Variants in SETBP1 observed in about 807,000 individuals in gnomAD.
The protein encoded by SETBP1 is SET binding protein 1.
Under a neutral mutation model 101.0 loss-of-function variants are expected in SETBP1, and 9 were observed. That is an observed-to-expected ratio of 0.09 (90% CI 0.05 to 0.16). The LOEUF is 0.16. SETBP1 is among the 10% of genes least tolerant of loss of function. The pLI, the probability that SETBP1 is intolerant of heterozygous loss-of-function variation, is 1.00. For missense variants in SETBP1, 1,858 were observed against 2,033.8 expected (o/e 0.91, Z 1.66); for synonymous variants, 818 against 788.5 (o/e 1.04, Z -0.63).
Position 44,952,577 on chromosome 18 carries a change from T to C in SETBP1, c.3237T>C (p.Leu1079=), listed in dbSNP as rs150875847. 326 of 1,613,946 alleles carry C rather than the reference T, an allele frequency of 2.0e-4. 3 individuals are homozygous for C. The African/African-American group carries it at 3.9e-3, about 19-fold the overall frequency. The change falls in exon 4 of 6, where the codon CTT becomes CTC. Residue 1079 remains leucine (L), a synonymous_variant. Transcript: ENST00000649279. ...CTCCTTTGTACCTATCGCACACGCT[T>C]GGAGCAGCTTCCCCATTCATGAGGC... ...YPAPLYLSHT[L]GAASPFMRPT...
chr18:44,964,636 G>GA (rs1160071080), intron 4 of SETBP1, among the ~76,000 whole-genome samples: 9 of 149,302 alleles, frequency 6.0e-5, no homozygotes, highest in South Asian at 2.1e-4. Flanking sequence ...GAAAAATTCA[G>GA]AAAAAAACTA....
At chr18:44,731,848 AC>A (rs1446612700) in intron 2 of SETBP1, among the ~76,000 whole-genome samples, 46 of 152,328 alleles carry the variant, frequency 3.0e-4, no homozygotes, top group African/African-American at 1.1e-3. Context: ...AGTATGAAAT[AC>A]AATATTCTCA....
At chr18:44,933,573 G>A (rs978741939) in intron 3 of SETBP1, among the ~76,000 whole-genome samples, 4 of 152,194 alleles carry the variant, frequency 2.6e-5, no homozygotes, top group Non-Finnish European at 5.9e-5. Context: ...AGGCAGGCAG[G>A]CGTCCTTGAG....
At chr18:45,007,947 G>A (rs931539572) in intron 4 of SETBP1, among the ~76,000 whole-genome samples, 5 of 152,148 alleles carry the variant, frequency 3.3e-5, no homozygotes, top group Admixed American at 1.3e-4. Context: ...GAATGATCCA[G>A]TAATGCCTCC....
At chr18:44,838,507 C>T (rs982471952) in intron 2 of SETBP1, among the ~76,000 whole-genome samples, 2 of 152,150 alleles carry the variant, frequency 1.3e-5, no homozygotes, top group African/African-American at 4.8e-5. Context: ...GGGTCCCTTG[C>T]TGCAGTTGTA....
At chr18:44,699,767 G>A (rs555992569) in intron 1 of SETBP1, among the ~76,000 whole-genome samples, 2 of 152,366 alleles carry the variant, frequency 1.3e-5, no homozygotes, top group African/African-American at 4.8e-5. Flanking sequence ...TCTCTGGGGA[G>A]CAGGGTCCGT....
chr18:44,772,600 C>T (rs750569669), intron 2 of SETBP1, among the ~76,000 whole-genome samples: 1 of 152,126 alleles, frequency 6.6e-6, no homozygotes, highest in Non-Finnish European at 1.5e-5. Context: ...CAGAGTGATG[C>T]GTCTGTTCTT....
At chr18:44,802,523 T>A (rs1372605227) in intron 2 of SETBP1, among the ~76,000 whole-genome samples, 2 of 152,128 alleles carry the variant, frequency 1.3e-5, no homozygotes, top group Non-Finnish European at 2.9e-5. Context: ...AAGAAAGGAG[T>A]GTCTTCCTCT....
chr18:44,776,832 C>G, intron 2 of SETBP1, among the ~76,000 whole-genome samples: 1 of 152,190 alleles, frequency 6.6e-6, no homozygotes, highest in Non-Finnish European at 1.5e-5. Context: ...GAGGTTAATA[C>G]TTCGTGTAGG....
At chr18:44,836,902 G>A (rs2072507898) in intron 2 of SETBP1, among the ~76,000 whole-genome samples, 1 of 152,262 alleles carries the variant, frequency 6.6e-6, no homozygotes, top group East Asian at 1.9e-4. Context: ...CAGTTTTGGG[G>A]CCCTGTCACT....
chr18:44,757,957 A>T (rs1031377908), intron 2 of SETBP1, among the ~76,000 whole-genome samples: 1 of 152,166 alleles, frequency 6.6e-6, no homozygotes, highest in Non-Finnish European at 1.5e-5. Flanking sequence ...TGTTAGAGAG[A>T]TGTGTTTCTG....
chr18:44,744,414 T>C (rs1032195942), intron 2 of SETBP1, among the ~76,000 whole-genome samples: 10 of 152,214 alleles, frequency 6.6e-5, no homozygotes, highest in African/African-American at 2.4e-4. Flanking sequence ...GAACAGGGGC[T>C]CCCTGGCCTG....
chr18:44,837,028 C>T (rs1167006815), intron 2 of SETBP1, among the ~76,000 whole-genome samples: 1 of 152,152 alleles, frequency 6.6e-6, no homozygotes, highest in African/African-American at 2.4e-5. Flanking sequence ...TTTGTACACT[C>T]CAGCCCTCAC....
At chr18:44,715,140 AT>A (rs1198498912) in intron 2 of SETBP1, among the ~76,000 whole-genome samples, 1 of 152,182 alleles carries the variant, frequency 6.6e-6, no homozygotes, top group Non-Finnish European at 1.5e-5. Flanking sequence ...CTGCTGGGGC[AT>A]CTTTAAGAAG....
intron 3 of SETBP1, among the ~76,000 whole-genome samples, chr18:44,936,879 T>C (rs572153022): frequency 2.3e-4 from 35 of 152,182 alleles, no homozygotes; most frequent in African/African-American, 8.2e-4. Context: ...CTCTGAACAT[T>C]AGGCTAGGTT....
intron 3 of SETBP1, among the ~76,000 whole-genome samples, chr18:44,897,534 G>A (rs2069935020): frequency 6.6e-6 from 1 of 152,174 alleles, no homozygotes; most frequent in Non-Finnish European, 1.5e-5. Context: ...TTACTGATGA[G>A]TTCCTCGAAT....
intron 4 of SETBP1, among the ~76,000 whole-genome samples, chr18:44,968,138 A>G (rs1250120276): frequency 6.6e-6 from 1 of 152,216 alleles, no homozygotes; most frequent in Non-Finnish European, 1.5e-5. Flanking sequence ...ACCTGGTCCT[A>G]AAGAATTGGT....
rs115308963 is a variant in SETBP1, at chr18:44,996,307, G to A, written c.4001-42178G>A. Among the ~76,000 whole-genome samples, 417 of 152,230 alleles carry A rather than the reference G, an allele frequency of 2.7e-3. 2 individuals are homozygous for A. Among genetic ancestry groups the A allele is most frequent in the African/African-American group, 9.7e-3 (402 of 41,528 alleles). ...TACAGAGACTAGAGCCTGCTCACCC[G>A]GGGCCAGATTGTCAATACAGCAAGG... On this transcript the variant is annotated intron_variant, in intron 4 of 5. Coordinates refer to ENST00000649279, the MANE Select transcript of SETBP1 (RefSeq NM_015559.3).
rs1451973853 is a variant in SETBP1 at position 45,021,722 on chromosome 18, G to A, written c.4001-16763G>A. Among the ~76,000 whole-genome samples, 5 of 152,224 alleles carry A rather than the reference G, an allele frequency of 3.3e-5. No individual in the cohort carries two copies. The East Asian group carries it at 7.7e-4, about 24-fold the overall frequency. ...TAGAGAGGGAGGGTCTTATTTTCTTGAAAACATAACTCTCTCTAAGCCCTC... is the reference window on the plus strand; with the variant it reads ...TAGAGAGGGAGGGTCTTATTTTCTTAAAAACATAACTCTCTCTAAGCCCTC... On this transcript the variant is annotated intron_variant, in intron 4 of 5. Transcript: ENST00000649279.
Sources: gnomAD v4.1 joint callset for allele counts (sites outside exome capture counted in the v4.1 genomes callset) on GRCh38, gnomAD v4.1.1 for gene constraint, MANE v1.5 for transcripts, NCBI Gene and HGNC (gene_info 2026-07-23, HGNC 2026-07-21) for gene names.